BBS1: variants seen among roughly 807,000 people sequenced by gnomAD.
The protein encoded by BBS1 is BBSome complex member BBS1.
Under a neutral mutation model 73.9 loss-of-function variants are expected in BBS1, and 60 were observed. That is an observed-to-expected ratio of 0.81 (90% CI 0.66 to 1.01). The LOEUF is 1.01. Among genes scored for constraint, BBS1 ranks in the 50% least tolerant of loss-of-function variants. The probability of loss-of-function intolerance (pLI) is 0.00; values close to 1 mark genes in which losing one functional copy is unlikely to be tolerated. For synonymous variants in BBS1, 283 were observed against 317.4 expected (o/e 0.89, Z 1.15); for missense variants, 718 against 770.3 (o/e 0.93, Z 0.80).
intron 1 of BBS1, 135 bp downstream of exon 1, chr11:66,510,841 T>G: frequency 7.1e-7 from 1 of 1,414,506 alleles, no homozygotes; most frequent in Non-Finnish European, 1.0e-6. Flanking sequence ...AACCGAGGCC[T>G]AAGATGTGCA....
intron 13 of BBS1, chr11:66,529,144 G>C (rs1856649215): frequency 1.0e-6 from 1 of 983,992 alleles, no homozygotes; most frequent in Non-Finnish European, 1.2e-6. Flanking sequence ...AGCGAAGCCA[G>C]CCTGGGGGAC....
intron 7 of BBS1, 96 bp downstream of exon 7, chr11:66,516,029 A>G: frequency 8.3e-7 from 1 of 1,207,796 alleles, no homozygotes; most frequent in Non-Finnish European, 1.2e-6. Flanking sequence ...AGCAAACCCA[A>G]CCAGTATCTC....
At position 66,523,805 on chromosome 11, in the gene BBS1, G is replaced by T. The variant is rs755994026; in HGVS notation, c.1033G>T (p.Ala345Ser). 45 of 1,613,584 alleles carry T rather than the reference G, an allele frequency of 2.8e-5. No individual in the cohort carries two copies. Among genetic ancestry groups the T allele is most frequent in the Non-Finnish European group, 3.6e-5 (42 of 1,180,044 alleles). The change falls in exon 11 of 17, where the codon GCC becomes TCC. Residue 345 changes from alanine (A) to serine (S), a missense_variant. Transcript: ENST00000318312. ...GGAGCAGCATTCCCGGGGCCTGCAG[G>T]CCGTCATGGCTGGGCTGGCCAATGG... ...LLEQHSRGLQ[A>S]VMAGLANGEV... is the part of the protein sequence containing the mutation.
At position 66,532,100 on chromosome 11, in the gene BBS1, C is replaced by A. The variant is rs1433438323; in HGVS notation, c.*63C>A. 1.3e-6 allele frequency: 2 copies of A among 1,503,670 alleles called. No homozygotes were observed. Among genetic ancestry groups the A allele is most frequent in the African/African-American group, 1.4e-5 (1 of 72,108 alleles). The allele number at this position is 1,503,670 out of a possible 1,614,324, so 93.1% of individuals were successfully genotyped here. ...AGGGAGAACTGGGCGGGTTTAGTGG[C>A]CCCAGGCCCACTCCTCATGCAGCAG... On this transcript the variant is annotated 3_prime_UTR_variant, in exon 17 of 17. Coordinates refer to ENST00000318312, the MANE Select transcript of BBS1 (RefSeq NM_024649.5).
At chr11:66,526,525 C>A in intron 12 of BBS1, 124 bp from the exon 13 acceptor site, 1 of 1,213,552 alleles carries the variant, frequency 8.2e-7, no homozygotes, top group Non-Finnish European at 1.2e-6. Context: ...CAGAAACAGT[C>A]TCGTCTGGAA....
chr11:66,513,026 T>C lies in BBS1; in HGVS notation c.160-1380T>C, dbSNP rs1397039186. On this transcript the variant is annotated intron_variant, in intron 3 of 16. Transcript: ENST00000318312. ...ACATAATAGAATGTTTAATGGCTAG[T>C]TTATTCACCATTGAGTCCCAGCATC... 2.6e-5 allele frequency among the ~76,000 whole-genome samples: 4 copies of C among 151,788 alleles called. No homozygotes were observed. In the East Asian group the frequency reaches 7.7e-4, roughly 29 times the overall value.
At position 66,533,312 on chromosome 11, in the gene BBS1, AAC is replaced by A. The variant is rs1302646638; in HGVS notation, c.*1277_*1278del. 6.6e-6 allele frequency: 1 copy of A among 152,222 alleles called. No homozygotes were observed. The highest frequency in any genetic ancestry group is 1.5e-5 in the Non-Finnish European group (1 of 68,048). 9.4% of individuals were successfully genotyped at this position (152,222 alleles called of 1,614,324 possible). ...GGAATTACACAGTTTGTAACAAGAA[AAC>A]AGTCTCTCCCATTCTCTAGTACTGC... On this transcript the variant is annotated 3_prime_UTR_variant, in exon 17 of 17. Coordinates refer to ENST00000318312, the MANE Select transcript of BBS1 (RefSeq NM_024649.5).
Position 66,521,356 on chromosome 11 carries a change from AAAC to A in BBS1, c.812_814del (p.Asn271del). The A allele has an allele frequency of 6.2e-7, 1 of 1,614,138 alleles. No homozygotes were observed. The highest frequency in any genetic ancestry group is 8.5e-7 in the Non-Finnish European group (1 of 1,180,000). Reference sequence around the variant, plus strand: ...GGCTTGCCGCGGCCTGCCGCAATGGAAACATCTATATTCTGAGAAGGTAGCCAC... The same window carrying A: ...GGCTTGCCGCGGCCTGCCGCAATGGAATCTATATTCTGAGAAGGTAGCCAC... On this transcript the variant is annotated inframe_deletion, in exon 9 of 17. Coordinates refer to ENST00000318312, the MANE Select transcript of BBS1 (RefSeq NM_024649.5).
rs747317319 is a variant in BBS1 at position 66,514,620 on chromosome 11, G to A, written c.374G>A (p.Ser125Asn). 3.1e-6 allele frequency: 5 copies of A among 1,613,658 alleles called. No homozygotes were observed. In the Admixed American group the frequency reaches 5.0e-5, roughly 16 times the overall value. Residue 125 changes from serine to asparagine, a missense_variant, in exon 4 of 17, where the codon AGC becomes AAC. Coordinates refer to ENST00000318312, the MANE Select transcript of BBS1 (RefSeq NM_024649.5). The stretch of plus-strand genomic sequence containing the variant: ...AATCTCAGACCCTACTTCAAGTTCA[G>A]CCTGCCCCAATTGCCTCCAAATCCT... ...YKNLRPYFKFSLPQLPPNPLE... is the reference protein window; with the variant it reads ...YKNLRPYFKFNLPQLPPNPLE...
intron 16 of BBS1, 26 bp downstream of exon 16, chr11:66,531,768 G>GA: frequency 6.2e-7 from 1 of 1,613,960 alleles, no homozygotes; most frequent in Non-Finnish European, 8.5e-7. Flanking sequence ...GTACCACGTG[G>GA]AAGGTGAGCA....
chr11:66,528,637 AAC>A (rs1172327328), intron 13 of BBS1, among the ~76,000 whole-genome samples: 1 of 152,144 alleles, frequency 6.6e-6, no homozygotes, highest in Non-Finnish European at 1.5e-5. Flanking sequence ...ACTGTCCAAA[AAC>A]ACACAATCAG....
At chr11:66,520,973 C>T in intron 8 of BBS1, 1 of 423,962 alleles carries the variant, frequency 2.4e-6, no homozygotes, top group Non-Finnish European at 4.4e-6. Flanking sequence ...CCCGCCTCAG[C>T]CTCTCAAAGT....
chr11:66,518,167 G>C (rs1856096289), intron 7 of BBS1, among the ~76,000 whole-genome samples: 1 of 151,470 alleles, frequency 6.6e-6, no homozygotes, highest in Admixed American at 6.6e-5. Flanking sequence ...CTGTTGGTCA[G>C]GCTGGTCTCG....
Position 66,531,664 on chromosome 11 carries a change from G to T in BBS1, c.1617G>T (p.Leu539Phe), listed in dbSNP as rs1358931508. Residue 539 changes from leucine (L) to phenylalanine (F), a missense_variant, in exon 16 of 17, where the codon TTG becomes TTT. By Grantham distance (22) the Leu-to-Phe change is conservative. Transcript: ENST00000318312. ...SLPRAFFKVP[L>F]LVPGLNYPLE... ...TTTGTCCCCAAACTTAGGTACCCTT[G>T]CTGGTGCCAGGGCTCAACTACCCCC... The T allele has an allele frequency of 6.2e-7, 1 of 1,614,124 alleles. No individual in the cohort carries two copies. The highest frequency in any genetic ancestry group is 8.5e-7 in the Non-Finnish European group (1 of 1,180,016).
At position 66,514,589 on chromosome 11, in the gene BBS1, T is replaced by A; in HGVS notation, c.343T>A (p.Tyr115Asn). The A allele has an allele frequency of 6.2e-7, 1 of 1,614,022 alleles. No homozygotes were observed. Among genetic ancestry groups the A allele is most frequent in the Non-Finnish European group, 8.5e-7 (1 of 1,180,040 alleles). ...ALASGPCVYV[Y>N]KNLRPYFKFS... ...TGCTTCAGGCCCTTGTGTCTATGTG[T>A]ATAAGAATCTCAGACCCTACTTCAA... Residue 115 changes from tyrosine (Y) to asparagine (N), a missense_variant, in exon 4 of 17, where the codon TAT becomes AAT. Transcript: ENST00000318312.
At chr11:66,516,080 A>G in intron 7 of BBS1, 147 bp downstream of exon 7, 1 of 761,436 alleles carries the variant, frequency 1.3e-6, no homozygotes, top group Non-Finnish European at 2.3e-6. Context: ...GTGTGTAGTC[A>G]TAAAGCTGCA....
At chr11:66,531,058 G>T (rs1856759389) in intron 15 of BBS1, 30 bp downstream of exon 15, 1 of 1,613,846 alleles carries the variant, frequency 6.2e-7, no homozygotes, top group South Asian at 1.1e-5. Context: ...TAGATATGGA[G>T]TGGGAAAGGC....
In BBS1 at chr11:66,514,460, A is replaced by G. The variant is rs1856007963; in HGVS notation, c.214A>G (p.Lys72Glu). ...GCAGCAGCCCCGCCTGAAGGTGCTC[A>G]AAGGACCACTGGTGATGACCGAAAG... ...GGQQPRLKVL[K>E]GPLVMTESPL... Residue 72 changes from lysine (K) to glutamate (E), a missense_variant, in exon 4 of 17, where the codon AAA becomes GAA. Lys to Glu is a moderately conservative substitution (Grantham distance 56). Coordinates refer to ENST00000318312, the MANE Select transcript of BBS1 (RefSeq NM_024649.5). 1.2e-6 allele frequency: 2 copies of G among 1,614,074 alleles called. No homozygotes were observed. Among genetic ancestry groups the G allele is most frequent in the African/African-American group, 1.3e-5 (1 of 74,922 alleles).
chr11:66,513,338 G>A (rs1855988551), intron 3 of BBS1, among the ~76,000 whole-genome samples: 1 of 152,036 alleles, frequency 6.6e-6, no homozygotes, highest in Non-Finnish European at 1.5e-5. Flanking sequence ...AAGAATAAAT[G>A]TGAAGTTAGA....
Sources: gnomAD v4.1 joint callset for allele counts (sites outside exome capture counted in the v4.1 genomes callset) on GRCh38, gnomAD v4.1.1 for gene constraint, MANE v1.5 for transcripts, NCBI Gene and HGNC (gene_info 2026-07-23, HGNC 2026-07-21) for gene names.